The following CCL13 variants were observed in gnomAD, a reference collection of about 807,000 sequenced individuals.
CCL13 encodes the protein C-C motif chemokine 13.
A neutral mutation model predicts 6.6 loss-of-function variants in CCL13; 5 were observed. The ratio of observed to expected loss-of-function variants is 0.76; its 90% CI spans 0.40 to 1.60. The LOEUF is 1.60. CCL13 is among the 40% of genes most tolerant of loss of function. The pLI is 0.02. For missense variants in CCL13, 117 were observed against 114.2 expected (o/e 1.02, Z -0.11); for synonymous variants, 39 against 43.0 (o/e 0.91, Z 0.37).
At chr17:34,356,677 T>C (rs1910357366) in intron 1 of CCL13, 75 bp downstream of exon 1, 3 of 1,043,892 alleles carry the variant, frequency 2.9e-6, no homozygotes, top group East Asian at 2.4e-5. Context: ...GCCCGAGTGC[T>C]CCTCCACTTT....
At chr17:34,356,989 T>G (rs1372014186) in intron 1 of CCL13, among the ~76,000 whole-genome samples, 2 of 152,198 alleles carry the variant, frequency 1.3e-5, no homozygotes, top group African/African-American at 4.8e-5. Context: ...GCCCCACTTC[T>G]AAGCCCACCA....
At chr17:34,357,208 C>T (rs1440897027) in intron 1 of CCL13, among the ~76,000 whole-genome samples, 1 of 152,142 alleles carries the variant, frequency 6.6e-6, no homozygotes. Context: ...GGACCACACC[C>T]AGGACCTTTC....
At chr17:34,357,149 A>G (rs987754262) in intron 1 of CCL13, among the ~76,000 whole-genome samples, 1 of 152,188 alleles carries the variant, frequency 6.6e-6, no homozygotes, top group Non-Finnish European at 1.5e-5. Context: ...CTCCAGATTT[A>G]GGGCCTTTTC....
intron 1 of CCL13, 120 bp downstream of exon 1, chr17:34,356,722 T>A (rs1910358864): frequency 1.5e-6 from 1 of 670,246 alleles, no homozygotes; most frequent in Non-Finnish European, 2.6e-6. Flanking sequence ...TTGCCCAGGC[T>A]GAAGTGCAGG....
In CCL13 at chr17:34,357,563, C is replaced by A. The variant is rs748780538; in HGVS notation, c.165C>A (p.Thr55=). 7.4e-6 allele frequency: 12 copies of A among 1,612,064 alleles called. No homozygotes were observed. The South Asian group carries it at 1.3e-4, about 18-fold the overall frequency. The change falls in exon 2 of 3, where the codon ACC becomes ACA. Residue 55 remains threonine (T), a synonymous_variant. Transcript: ENST00000225844. Reference sequence around the variant, plus strand: ...GGCTGAAGAGCTATGTGATCACCACCAGCAGGTGTCCCCAGAAGGCTGTCA... The same window carrying A: ...GGCTGAAGAGCTATGTGATCACCACAAGCAGGTGTCCCCAGAAGGCTGTCA... ...LQRLKSYVIT[T]SRCPQKAVIF...
chr17:34,357,911 G>T (rs1335723214), intron 2 of CCL13, 115 bp from the exon 3 acceptor site: 15 of 673,176 alleles, frequency 2.2e-5, no homozygotes, highest in Non-Finnish European at 3.8e-5. Flanking sequence ...GTCCTGGAGG[G>T]GTGCCCCTTC....
chr17:34,357,425 A>G, intron 1 of CCL13, 50 bp from the exon 2 acceptor site: 1 of 1,243,286 alleles, frequency 8.0e-7, no homozygotes. Context: ...ATTCAAGCTG[A>G]GAAAAGCCTA....
chr17:34,357,262 T>C (rs1435154575), intron 1 of CCL13, among the ~76,000 whole-genome samples: 1 of 152,048 alleles, frequency 6.6e-6, no homozygotes, highest in Non-Finnish European at 1.5e-5. Context: ...CTGTGACATG[T>C]CTCCACCATG....
rs149285419 is a variant in CCL13 at position 34,357,515 on chromosome 17, C to A, written c.117C>A (p.Ser39Arg). 1 of 1,613,284 alleles carries A rather than the reference C, an allele frequency of 6.2e-7. No individual in the cohort carries two copies. Among genetic ancestry groups the A allele is most frequent in the Non-Finnish European group, 8.5e-7 (1 of 1,179,384 alleles). Residue 39 changes from serine to arginine, a missense_variant, in exon 2 of 3, where the codon AGC becomes AGA. Physicochemically the swap from Ser to Arg is moderately radical, Grantham distance 110 (BLOSUM62 -1). Transcript: ENST00000225844. ...NVPSTCCFTFSSKKISLQRLK... is the reference protein window; with the variant it reads ...NVPSTCCFTFRSKKISLQRLK... ...CATCTACTTGCTGCTTCACATTTAG[C>A]AGTAAGAAGATCTCCTTGCAGAGGC...
At position 34,357,415 on chromosome 17, in the gene CCL13, A is replaced by G. The variant is rs142353849; in HGVS notation, c.77-60A>G. ...ATCCCATACAGATGCTCCCTGCTGTATTCAAGCTGAGAAAAGCCTAACACA... is the reference window on the plus strand; with the variant it reads ...ATCCCATACAGATGCTCCCTGCTGTGTTCAAGCTGAGAAAAGCCTAACACA... On this transcript the variant is annotated intron_variant, in intron 1 of 2. Coordinates refer to ENST00000225844, the MANE Select transcript of CCL13 (RefSeq NM_005408.3). The G allele has an allele frequency of 4.6e-5, 51 of 1,119,614 alleles. No homozygotes were observed. In the African/African-American group the frequency reaches 6.7e-4, roughly 15 times the overall value. 69.4% of individuals were successfully genotyped at this position (1,119,614 alleles called of 1,614,324 possible).
chr17:34,356,986 T>A lies in CCL13; in HGVS notation c.76+384T>A, dbSNP rs764469767. ...CACCAGGCCCAGCCAAGTGCCCCAC[T>A]TCTAAGCCCACCAGAATAGTAAGGC... is the stretch of plus-strand genomic sequence containing the variant. On this transcript the variant is annotated intron_variant, in intron 1 of 2. Coordinates refer to ENST00000225844, the MANE Select transcript of CCL13 (RefSeq NM_005408.3). 2.5e-4 allele frequency among the ~76,000 whole-genome samples: 38 copies of A among 152,294 alleles called. 1 individual carries two copies. Among genetic ancestry groups the A allele is most frequent in the African/African-American group, 8.7e-4 (36 of 41,570 alleles).
At chr17:34,357,117 A>G (rs1910369141) in intron 1 of CCL13, among the ~76,000 whole-genome samples, 1 of 152,236 alleles carries the variant, frequency 6.6e-6, no homozygotes, top group South Asian at 2.1e-4. Flanking sequence ...TTGCAGAGCA[A>G]GAATGAAACC....
chr17:34,357,485 C>T lies in CCL13; in HGVS notation c.87C>T (p.Asn29=), dbSNP rs532498797. The change falls in exon 2 of 3, where the codon AAC becomes AAT. Residue 29 remains asparagine (N), a synonymous_variant. Coordinates refer to ENST00000225844, the MANE Select transcript of CCL13 (RefSeq NM_005408.3). ...TGTAACTATTTCTAGATGCACTCAA[C>T]GTCCCATCTACTTGCTGCTTCACAT... ...PQGLAQPDAL[N]VPSTCCFTFS... 1.7e-5 allele frequency: 27 copies of T among 1,608,246 alleles called. No homozygotes were observed. The highest frequency in any genetic ancestry group is 1.2e-4 in the Admixed American group (7 of 59,940).
rs1910353912 is a variant in CCL13, at chr17:34,356,588, G to T, written c.62G>T (p.Gly21Val). 6.2e-7 allele frequency: 1 copy of T among 1,612,438 alleles called. No individual in the cohort carries two copies. Among genetic ancestry groups the T allele is most frequent in the Admixed American group, 1.7e-5 (1 of 59,972 alleles). ...ATGACAGCAGCTTTCAACCCCCAGG[G>T]ACTTGCTCAGCCAGGTAAGTCACCT... Reference protein sequence around the residue: ...LLMTAAFNPQGLAQPDALNVP... With the variant: ...LLMTAAFNPQVLAQPDALNVP... The change falls in exon 1 of 3, where the codon GGA becomes GTA. Residue 21 changes from glycine (G) to valine (V), a missense_variant. By Grantham distance (109) the Gly-to-Val change is moderately radical. Coordinates refer to ENST00000225844, the MANE Select transcript of CCL13 (RefSeq NM_005408.3).
rs751824838 is a variant in CCL13 at position 34,356,561 on chromosome 17, T to A, written c.35T>A (p.Leu12His). The change falls in exon 1 of 3, where the codon CTC (leucine) becomes CAC (histidine). Residue 12 changes from leucine to histidine, a missense_variant. Leu to His is a moderately conservative substitution (Grantham distance 99, BLOSUM62 -3). Coordinates refer to ENST00000225844, the MANE Select transcript of CCL13 (RefSeq NM_005408.3). ...KVSAVLLCLLLMTAAFNPQGL... is the reference protein window; with the variant it reads ...KVSAVLLCLLHMTAAFNPQGL... ...TCTGCAGTGCTTCTGTGCCTGCTGC[T>A]CATGACAGCAGCTTTCAACCCCCAG... 5.0e-6 allele frequency: 8 copies of A among 1,613,644 alleles called. No homozygotes were observed. In the South Asian group the frequency reaches 7.7e-5, roughly 16 times the overall value.
chr17:34,357,488 C>T lies in CCL13; in HGVS notation c.90C>T (p.Val30=), dbSNP rs369147614. ...AACTATTTCTAGATGCACTCAACGTCCCATCTACTTGCTGCTTCACATTTA... is the reference window on the plus strand; with the variant it reads ...AACTATTTCTAGATGCACTCAACGTTCCATCTACTTGCTGCTTCACATTTA... ...QGLAQPDALN[V]PSTCCFTFSS... The change falls in exon 2 of 3, where the codon GTC becomes GTT. Residue 30 remains valine (V), a synonymous_variant. Transcript: ENST00000225844. The T allele has an allele frequency of 6.2e-7, 1 of 1,610,258 alleles. No individual in the cohort carries two copies. Among genetic ancestry groups the T allele is most frequent in the Non-Finnish European group, 8.5e-7 (1 of 1,176,574 alleles).
intron 2 of CCL13, 105 bp from the exon 3 acceptor site, chr17:34,357,921 C>T (rs1426257818): frequency 5.9e-5 from 43 of 731,622 alleles, no homozygotes; most frequent in Non-Finnish European, 9.9e-5. Context: ...GGTGCCCCTT[C>T]ACCTGTAGTA....
intron 2 of CCL13, 118 bp from the exon 3 acceptor site, chr17:34,357,908 A>G (rs1910394220): frequency 1.5e-6 from 1 of 666,178 alleles, no homozygotes; most frequent in East Asian, 2.7e-5. Context: ...CCTGTCCTGG[A>G]GGGGTGCCCC....
At chr17:34,357,444 T>C (rs1220571347) in intron 1 of CCL13, 31 bp from the exon 2 acceptor site, 1 of 1,465,592 alleles carries the variant, frequency 6.8e-7, no homozygotes, top group Non-Finnish European at 9.6e-7. Flanking sequence ...TAACACATCC[T>C]CAAAGTCTTT....
Sources: allele counts gnomAD v4.1 joint callset (sites outside exome capture counted in the v4.1 genomes callset), GRCh38; gene constraint gnomAD v4.1.1; transcripts MANE v1.5; gene names NCBI Gene and HGNC (gene_info 2026-07-23, HGNC 2026-07-21).